The following DIP2C variants were observed in gnomAD, a reference collection of about 807,000 sequenced individuals.
DIP2C encodes disco-interacting protein 2 homolog C.
Under a neutral mutation model 192.4 loss-of-function variants are expected in DIP2C, and 33 were observed. The ratio of observed to expected loss-of-function variants is 0.17; its 90% CI spans 0.13 to 0.23. DIP2C has a LOEUF of 0.23. Among genes scored for constraint, DIP2C ranks in the 10% least tolerant of loss-of-function variants. The probability of loss-of-function intolerance (pLI) is 1.00; values close to 1 mark genes in which losing one functional copy is unlikely to be tolerated. For missense variants in DIP2C, 1,537 were observed against 2,110.1 expected, an observed-to-expected ratio of 0.73 and a Z score of 5.32; for synonymous variants, 979 against 864.1, an observed-to-expected ratio of 1.13 and a Z score of -2.33.
chr10:507,185 C>T (rs1588332617), intron 1 of DIP2C, among the ~76,000 whole-genome samples: 1 of 147,766 alleles, frequency 6.8e-6, no homozygotes. Context: ...CCAGCTGTGC[C>T]CAATCAGAAG....
intron 1 of DIP2C, among the ~76,000 whole-genome samples, chr10:646,222 AC>A (rs1855445135): frequency 6.6e-6 from 1 of 151,734 alleles, no homozygotes; most frequent in South Asian, 2.1e-4. Context: ...ATCTATAAAA[AC>A]CCCAAGGGCT....
At chr10:385,290 G>A (rs1404823321) in intron 14 of DIP2C, among the ~76,000 whole-genome samples, 1 of 152,202 alleles carries the variant, frequency 6.6e-6, no homozygotes, top group Non-Finnish European at 1.5e-5. Flanking sequence ...ATGTGACACG[G>A]TAGGGTCTGG....
intron 4 of DIP2C, among the ~76,000 whole-genome samples, chr10:439,619 G>A (rs1967566883): frequency 6.6e-6 from 1 of 152,094 alleles, no homozygotes; most frequent in African/African-American, 2.4e-5. Context: ...GCAAGACCCT[G>A]TCTCAAAACA....
At chr10:394,873 C>T (rs1963843314) in intron 10 of DIP2C, among the ~76,000 whole-genome samples, 1 of 150,406 alleles carries the variant, frequency 6.6e-6, no homozygotes, top group African/African-American at 2.5e-5. Flanking sequence ...ACAGTGGGCG[C>T]TATTCAGCCT....
At chr10:663,057 G>A (rs1856860223) in intron 1 of DIP2C, 7 of 629,206 alleles carry the variant, frequency 1.1e-5, no homozygotes, top group African/African-American at 1.8e-5. Context: ...TGGGGCAGAT[G>A]GTGACCGTGA....
intron 3 of DIP2C, among the ~76,000 whole-genome samples, chr10:446,951 T>C (rs1968275650): frequency 6.6e-6 from 1 of 152,220 alleles, no homozygotes; most frequent in Non-Finnish European, 1.5e-5. Flanking sequence ...GGTTGTGATA[T>C]TCATATCCCT....
At chr10:641,300 T>TC (rs1256332650) in intron 1 of DIP2C, among the ~76,000 whole-genome samples, 1 of 152,118 alleles carries the variant, frequency 6.6e-6, no homozygotes, top group Non-Finnish European at 1.5e-5. Flanking sequence ...CAGCCATGCA[T>TC]CCAGGCAGGT....
chr10:565,982 C>T (rs995440405), intron 1 of DIP2C, among the ~76,000 whole-genome samples: 26 of 152,190 alleles, frequency 1.7e-4, no homozygotes, highest in Non-Finnish European at 3.2e-4. Flanking sequence ...GCACCTTGGA[C>T]TCCTGCAAAG....
chr10:429,596 T>G (rs1184420266), intron 4 of DIP2C, among the ~76,000 whole-genome samples: 1 of 148,262 alleles, frequency 6.7e-6, no homozygotes, highest in Non-Finnish European at 1.5e-5. Context: ...ACTGTCTCCA[T>G]AGTCTTGCCT....
intron 5 of DIP2C, 133 bp from the exon 6 acceptor site, chr10:419,332 C>G: frequency 7.7e-7 from 1 of 1,300,938 alleles, no homozygotes; most frequent in Non-Finnish European, 1.1e-6. Flanking sequence ...CAGAGCCGAT[C>G]TCAGCCGCAT....
rs149277833 is a variant in DIP2C, at chr10:498,825, C to T, written c.86-12295G>A. Reference sequence around the variant, plus strand: ...CTGAAAAAAGCTACTGCTGTGTGGGCGAATTAAGGAGGCAATGCGCATTTG... The same window carrying T: ...CTGAAAAAAGCTACTGCTGTGTGGGTGAATTAAGGAGGCAATGCGCATTTG... On this transcript the variant is annotated intron_variant, in intron 1 of 36. Coordinates refer to ENST00000280886, the MANE Select transcript of DIP2C (RefSeq NM_014974.3). Among the ~76,000 whole-genome samples, 88 of 152,210 alleles carry T rather than the reference C, an allele frequency of 5.8e-4. 1 individual carries two copies. In the East Asian group the frequency reaches 0.016, roughly 27 times the overall value.
At chr10:629,481 G>T (rs927384777) in intron 1 of DIP2C, among the ~76,000 whole-genome samples, 3 of 152,220 alleles carry the variant, frequency 2.0e-5, no homozygotes, top group African/African-American at 7.2e-5. Context: ...GGCACACTGG[G>T]ACCAGCCACT....
chr10:590,686 C>A (rs375925152), intron 1 of DIP2C, among the ~76,000 whole-genome samples: 1 of 152,186 alleles, frequency 6.6e-6, no homozygotes, highest in Admixed American at 6.5e-5. Flanking sequence ...ACAAGTTAGA[C>A]GGGTTTTTAC....
rs545563213 is a variant in DIP2C at position 661,348 on chromosome 10, G to A, written c.85+28146C>T. Among the ~76,000 whole-genome samples, 4 of 152,264 alleles carry A rather than the reference G, an allele frequency of 2.6e-5. No homozygotes were observed. In the South Asian group the frequency reaches 8.3e-4, roughly 32 times the overall value. On this transcript the variant is annotated intron_variant, in intron 1 of 36. Coordinates refer to ENST00000280886, the MANE Select transcript of DIP2C (RefSeq NM_014974.3). Reference sequence around the variant, plus strand: ...CCTCCACCTGGAGACGCTCTGGGTTGAGGCCCCTCCTCAGCTGTGTCTTGG... The same window carrying A: ...CCTCCACCTGGAGACGCTCTGGGTTAAGGCCCCTCCTCAGCTGTGTCTTGG...
chr10:509,632 G>A (rs1004253548), intron 1 of DIP2C, among the ~76,000 whole-genome samples: 7 of 152,222 alleles, frequency 4.6e-5, no homozygotes, highest in African/African-American at 1.7e-4. Flanking sequence ...GGTAGGCAGT[G>A]TTTTGGAGGG....
At chr10:556,248 C>T in intron 1 of DIP2C, among the ~76,000 whole-genome samples, 1 of 60,192 alleles carries the variant, frequency 1.7e-5, no homozygotes, top group African/African-American at 6.6e-5. Context: ...ACCCCTCCCA[C>T]AGCCGGATCC....
At position 530,951 on chromosome 10, in the gene DIP2C, G is replaced by A. The variant is rs1433107947; in HGVS notation, c.86-44421C>T. 4.6e-5 allele frequency among the ~76,000 whole-genome samples: 7 copies of A among 152,230 alleles called. No homozygotes were observed. The East Asian group carries it at 1.2e-3, about 25-fold the overall frequency. On this transcript the variant is annotated intron_variant, in intron 1 of 36. Transcript: ENST00000280886. ...GGGACCTTGGCAGACTCCCGATGCCGGCCGACCAGACACCCCACCCTGGGA... is the reference window on the plus strand; with the variant it reads ...GGGACCTTGGCAGACTCCCGATGCCAGCCGACCAGACACCCCACCCTGGGA...
At chr10:603,081 G>A (rs931466067) in intron 1 of DIP2C, among the ~76,000 whole-genome samples, 5 of 151,892 alleles carry the variant, frequency 3.3e-5, no homozygotes, top group African/African-American at 9.7e-5. Context: ...AATTTGCACG[G>A]GAAAATGCTG....
At chr10:443,898 G>T (rs1040636302) in intron 3 of DIP2C, among the ~76,000 whole-genome samples, 23 of 152,122 alleles carry the variant, frequency 1.5e-4, no homozygotes, top group African/African-American at 5.3e-4. Flanking sequence ...GGAAGGGCGG[G>T]AGTACAAAGT....
Sources: gnomAD v4.1 joint callset for allele counts (sites outside exome capture counted in the v4.1 genomes callset) on GRCh38, gnomAD v4.1.1 for gene constraint, MANE v1.5 for transcripts, NCBI Gene and HGNC (gene_info 2026-07-23, HGNC 2026-07-21) for gene names.